EPHA3: variants seen among roughly 807,000 people sequenced by gnomAD.
EPHA3 encodes ephrin type-A receptor 3.
A neutral mutation model predicts 107.1 loss-of-function variants in EPHA3; 42 were observed. That is an observed-to-expected ratio of 0.39 (90% CI 0.31 to 0.51). The LOEUF is 0.51. EPHA3 is among the 20% of genes least tolerant of loss of function. The pLI is 0.78. For missense variants in EPHA3, 1,183 were observed against 1,211.2 expected, an observed-to-expected ratio of 0.98 and a Z score of 0.35; for synonymous variants, 461 against 424.8, an observed-to-expected ratio of 1.09 and a Z score of -1.05.
At chr3:89,392,591 G>GT (rs11434626) in intron 5 of EPHA3, among the ~76,000 whole-genome samples, 7,377 of 149,722 alleles carry the variant, frequency 0.049, 204 homozygotes, top group Middle Eastern at 0.059. Flanking sequence ...GAAGTTGAAA[G>GT]TTTTTTTTTT....
chr3:89,479,717 G>T lies in EPHA3; in HGVS notation c.*215G>T. 2.1e-6 allele frequency: 1 copy of T among 472,648 alleles called. No individual in the cohort carries two copies. 29.3% of individuals were successfully genotyped at this position (472,648 alleles called of 1,614,324 possible). On this transcript the variant is annotated 3_prime_UTR_variant, in exon 17 of 17. Coordinates refer to ENST00000336596, the MANE Select transcript of EPHA3 (RefSeq NM_005233.6). ...GTGGGTGGGGTATTTTTTTGTAATT[G>T]CTTTTTTAAATATTAGTTAATGGAT...
intron 3 of EPHA3, among the ~76,000 whole-genome samples, chr3:89,248,347 G>A (rs534032436): frequency 1.6e-4 from 25 of 152,206 alleles, no homozygotes; most frequent in African/African-American, 6.0e-4. Context: ...ATTCTAAAAC[G>A]TCTGACTTCC....
intron 3 of EPHA3, among the ~76,000 whole-genome samples, chr3:89,219,808 A>C (rs1289378734): frequency 1.5e-5 from 2 of 136,704 alleles, no homozygotes; most frequent in African/African-American, 5.5e-5. Context: ...TCCCGGGTTC[A>C]CGCCATTCTC....
At chr3:89,188,251 A>C (rs756403322) in intron 2 of EPHA3, among the ~76,000 whole-genome samples, 4 of 152,186 alleles carry the variant, frequency 2.6e-5, no homozygotes, top group Non-Finnish European at 4.4e-5. Context: ...GCCAGCTACG[A>C]TCTCGTTCTA....
At chr3:89,476,176 C>CA (rs1710503117) in intron 16 of EPHA3, among the ~76,000 whole-genome samples, 2 of 144,524 alleles carry the variant, frequency 1.4e-5, no homozygotes, top group Admixed American at 1.4e-4. Flanking sequence ...TTGTAGATAA[C>CA]ATATATAAAC....
In EPHA3 at chr3:89,276,366, C is replaced by T. The variant is rs367943545; in HGVS notation, c.815-64550C>T. On this transcript the variant is annotated intron_variant, in intron 3 of 16. Coordinates refer to ENST00000336596, the MANE Select transcript of EPHA3 (RefSeq NM_005233.6). ...CTGCCTGGGTACTTAAATTATTGAT[C>T]AAACCTGTCACTAGCAAATTCTTTA... 8.5e-5 allele frequency among the ~76,000 whole-genome samples: 13 copies of T among 152,114 alleles called. No homozygotes were observed. In the East Asian group the frequency reaches 2.5e-3, roughly 29 times the overall value.
chr3:89,251,100 A>T (rs1301141923), intron 3 of EPHA3, among the ~76,000 whole-genome samples: 1 of 152,174 alleles, frequency 6.6e-6, no homozygotes, highest in Non-Finnish European at 1.5e-5. Flanking sequence ...ATGTATAATG[A>T]TTTTGCCCTT....
intron 15 of EPHA3, among the ~76,000 whole-genome samples, chr3:89,454,240 C>T (rs1487670693): frequency 6.6e-6 from 1 of 152,100 alleles, no homozygotes; most frequent in Non-Finnish European, 1.5e-5. Flanking sequence ...CCCTACTTCT[C>T]TAACACTCTT....
chr3:89,355,596 G>A (rs992774425), intron 5 of EPHA3, among the ~76,000 whole-genome samples: 10 of 150,650 alleles, frequency 6.6e-5, no homozygotes, highest in African/African-American at 2.4e-4. Context: ...GAATTTAAGG[G>A]AGTTATTGGA....
intron 3 of EPHA3, 97 bp downstream of exon 3, chr3:89,210,617 G>T (rs990918891): frequency 1.4e-5 from 18 of 1,332,038 alleles, no homozygotes; most frequent in Admixed American, 2.6e-5. Flanking sequence ...AACTCACTTG[G>T]CAGGAAAACA....
intron 15 of EPHA3, among the ~76,000 whole-genome samples, chr3:89,451,972 G>A (rs557683442): frequency 1.1e-4 from 16 of 151,560 alleles, no homozygotes; most frequent in Non-Finnish European, 1.9e-4. Flanking sequence ...CCATGCCTTA[G>A]TATCATATTT....
intron 5 of EPHA3, among the ~76,000 whole-genome samples, chr3:89,344,383 GTC>G (rs1707596175): frequency 6.6e-6 from 1 of 152,038 alleles, no homozygotes; most frequent in Non-Finnish European, 1.5e-5. Flanking sequence ...ACTTACCCTA[GTC>G]TCTCTCCCAT....
intron 13 of EPHA3, among the ~76,000 whole-genome samples, chr3:89,433,245 C>A (rs1709603615): frequency 6.6e-6 from 1 of 151,928 alleles, no homozygotes; most frequent in Non-Finnish European, 1.5e-5. Context: ...ATAGGTGGTT[C>A]CAAAGATGGT....
chr3:89,300,286 C>G (rs1481533495), intron 3 of EPHA3, among the ~76,000 whole-genome samples: 1 of 151,812 alleles, frequency 6.6e-6, no homozygotes, highest in Non-Finnish European at 1.5e-5. Flanking sequence ...TAGTTAGTGT[C>G]ACTATAAACT....
intron 11 of EPHA3, among the ~76,000 whole-genome samples, chr3:89,428,501 T>C (rs1002583256): frequency 1.3e-5 from 2 of 152,090 alleles, no homozygotes; most frequent in Non-Finnish European, 2.9e-5. Flanking sequence ...CAGTTTTATT[T>C]TCCATTTAAA....
At chr3:89,429,031 C>A in intron 11 of EPHA3, 75 bp from the exon 12 acceptor site, 1 of 999,012 alleles carries the variant, frequency 1.0e-6, no homozygotes, top group Non-Finnish European at 1.4e-6. Flanking sequence ...CAGGTAAATC[C>A]AACTATATTA....
chr3:89,474,416 T>C (rs192128655), intron 16 of EPHA3, among the ~76,000 whole-genome samples: 1 of 152,294 alleles, frequency 6.6e-6, no homozygotes, highest in East Asian at 1.9e-4. Context: ...CAGGATATAG[T>C]CATGTGTTTA....
At chr3:89,172,323 G>A in intron 2 of EPHA3, among the ~76,000 whole-genome samples, 1 of 152,140 alleles carries the variant, frequency 6.6e-6, no homozygotes, top group East Asian at 1.9e-4. Flanking sequence ...TTTAGTGGCA[G>A]CAGCTTGCCA....
chr3:89,234,747 TTCCCTTCCC>T (rs1283240590), intron 3 of EPHA3, among the ~76,000 whole-genome samples: 1 of 145,792 alleles, frequency 6.9e-6, no homozygotes, highest in Non-Finnish European at 1.5e-5. Flanking sequence ...CCTTCTTTCC[TTCCCTTCCC>T]TCCCTTCCTT....
Sources: allele counts gnomAD v4.1 joint callset (sites outside exome capture counted in the v4.1 genomes callset), GRCh38; gene constraint gnomAD v4.1.1; transcripts MANE v1.5; gene names NCBI Gene and HGNC (gene_info 2026-07-23, HGNC 2026-07-21).